The following KHDRBS2 variants were observed in gnomAD, a reference collection of about 807,000 sequenced individuals.
The protein encoded by KHDRBS2 is KH RNA binding domain containing, signal transduction associated 2.
KHDRBS2 carries 26 observed loss-of-function variants against 44.3 expected under a neutral mutation model. That is an observed-to-expected ratio of 0.59 (90% confidence interval 0.43 to 0.81). The LOEUF (loss-of-function observed/expected upper bound fraction) is 0.81. KHDRBS2 is among the 40% of genes least tolerant of loss of function. The pLI is 0.00. For synonymous variants in KHDRBS2, 194 were observed against 151.1 expected, an observed-to-expected ratio of 1.28 and a Z score of -2.08; for missense variants, 476 against 433.1, an observed-to-expected ratio of 1.10 and a Z score of -0.88.
chr6:62,161,573 C>CGGG (rs3035515), intron 2 of KHDRBS2, among the ~76,000 whole-genome samples: 73 of 33,324 alleles, frequency 2.2e-3, no homozygotes, highest in South Asian at 4.3e-3. Flanking sequence ...TTGGTATTTG[C>CGGG]GGGGGGGGGG....
At chr6:62,008,727 T>C (rs1025115990) in intron 3 of KHDRBS2, among the ~76,000 whole-genome samples, 2 of 152,188 alleles carry the variant, frequency 1.3e-5, no homozygotes, top group African/African-American at 2.4e-5. Flanking sequence ...TGATATTGAA[T>C]GGGCCTCACA....
the KHDRBS2 span, among the ~76,000 whole-genome samples, chr6:61,649,191 T>C: frequency 4.0e-3 from 614 of 152,206 alleles, 2 homozygotes; most frequent in African/African-American, 0.014. Context: ...TAAGGCAATG[T>C]TGCTCAGTGG....
At chr6:61,782,420 A>G (rs1166278828) in intron 6 of KHDRBS2, among the ~76,000 whole-genome samples, 3 of 151,670 alleles carry the variant, frequency 2.0e-5, no homozygotes, top group South Asian at 2.1e-4. Context: ...TGCACCAGGA[A>G]CTCTTAGTTT....
intron 2 of KHDRBS2, among the ~76,000 whole-genome samples, chr6:62,098,450 AC>A (rs1801141970): frequency 6.6e-6 from 1 of 152,074 alleles, no homozygotes; most frequent in Non-Finnish European, 1.5e-5. Flanking sequence ...TTCCTTGAGC[AC>A]TTTGACTATA....
intron 3 of KHDRBS2, among the ~76,000 whole-genome samples, chr6:62,003,292 G>A (rs1252516844): frequency 2.0e-5 from 3 of 151,530 alleles, no homozygotes; most frequent in African/African-American, 4.8e-5. Flanking sequence ...AAAAAGTAAA[G>A]TAAAATAAAA....
At chr6:62,278,044 T>C (rs1841250870) in intron 1 of KHDRBS2, among the ~76,000 whole-genome samples, 1 of 152,208 alleles carries the variant, frequency 6.6e-6, no homozygotes, top group Non-Finnish European at 1.5e-5. Context: ...ATTCCACCTC[T>C]AAAAAAATTT....
intron 4 of KHDRBS2, among the ~76,000 whole-genome samples, chr6:61,966,737 G>A (rs1043201316): frequency 4.6e-5 from 7 of 151,750 alleles, no homozygotes; most frequent in Non-Finnish European, 7.4e-5. Context: ...TTTGGAATAC[G>A]GGTTTTGAGA....
chr6:61,748,992 CT>C (rs1777242576), intron 6 of KHDRBS2, among the ~76,000 whole-genome samples: 1 of 141,912 alleles, frequency 7.0e-6, no homozygotes. Context: ...ATTTCTTTTT[CT>C]TTTCTTTCTT....
At chr6:61,805,118 T>C (rs972404825) in intron 6 of KHDRBS2, among the ~76,000 whole-genome samples, 27 of 152,176 alleles carry the variant, frequency 1.8e-4, no homozygotes, top group Non-Finnish European at 2.8e-4. Flanking sequence ...CTGAATGCTT[T>C]TAACAGCACC....
the KHDRBS2 span, among the ~76,000 whole-genome samples, chr6:61,610,802 G>A: frequency 6.6e-6 from 1 of 152,158 alleles, no homozygotes. Flanking sequence ...TCAAGAGGAG[G>A]GGACTTAGGT....
chr6:61,617,218 C>T, the KHDRBS2 span, among the ~76,000 whole-genome samples: 2 of 152,172 alleles, frequency 1.3e-5, no homozygotes, highest in African/African-American at 2.4e-5. Context: ...TTCCATATCA[C>T]ATTTTAAACT....
chr6:61,965,894 A>G (rs1346531976), intron 4 of KHDRBS2, among the ~76,000 whole-genome samples: 1 of 152,032 alleles, frequency 6.6e-6, no homozygotes, highest in Non-Finnish European at 1.5e-5. Context: ...TAGACATTCC[A>G]CAGTCAAGTT....
intron 8 of KHDRBS2, among the ~76,000 whole-genome samples, chr6:61,687,860 C>A (rs1435672065): frequency 6.6e-6 from 1 of 151,658 alleles, no homozygotes; most frequent in African/African-American, 2.4e-5. Context: ...GCATGTGATG[C>A]ATAATTTTTA....
At chr6:62,022,937 T>C (rs2127281978) in intron 3 of KHDRBS2, among the ~76,000 whole-genome samples, 1 of 151,780 alleles carries the variant, frequency 6.6e-6, no homozygotes, top group African/African-American at 2.4e-5. Flanking sequence ...AGCTTTCAAA[T>C]TGAAGTAGCA....
chr6:61,587,031 G>A, the KHDRBS2 span, among the ~76,000 whole-genome samples: 1 of 152,016 alleles, frequency 6.6e-6, no homozygotes, highest in Non-Finnish European at 1.5e-5. Flanking sequence ...CTTTCTCCTT[G>A]CCATTTTTAT....
downstream of KHDRBS2, among the ~76,000 whole-genome samples, chr6:61,676,888 A>G (rs183585768): frequency 6.9e-4 from 105 of 152,002 alleles, no homozygotes; most frequent in African/African-American, 2.5e-3. Context: ...GACAACCTTT[A>G]TCTTGCAGAC....
At chr6:61,970,266 AGTTTCTT>A (rs1216514959) in intron 4 of KHDRBS2, among the ~76,000 whole-genome samples, 1 of 151,958 alleles carries the variant, frequency 6.6e-6, no homozygotes, top group African/African-American at 2.4e-5. Context: ...TTTAAAGAAA[AGTTTCTT>A]GTTTGCATGA....
chr6:61,839,381 AGTAATAGATATTT>A, intron 6 of KHDRBS2, among the ~76,000 whole-genome samples: 1 of 151,866 alleles, frequency 6.6e-6, no homozygotes, highest in Non-Finnish European at 1.5e-5. Context: ...CTAACCAGCA[AGTAATAGATATTT>A]GTAACAGGGT....
At chr6:61,827,719 C>T (rs505856) in intron 6 of KHDRBS2, among the ~76,000 whole-genome samples, 1 of 152,126 alleles carries the variant, frequency 6.6e-6, no homozygotes, top group South Asian at 2.1e-4. Flanking sequence ...TGAGGACTCT[C>T]TTTCTGGCCT....
Sources: allele counts gnomAD v4.1 joint callset (sites outside exome capture counted in the v4.1 genomes callset), GRCh38; gene constraint gnomAD v4.1.1; transcripts MANE v1.5; gene names NCBI Gene and HGNC (gene_info 2026-07-23, HGNC 2026-07-21).